KCTD1: variants seen among roughly 807,000 people sequenced by gnomAD.
The protein encoded by KCTD1 is potassium channel tetramerization domain containing 1, also known as BTB/POZ domain-containing protein KCTD1.
Under a neutral mutation model 66.0 loss-of-function variants are expected in KCTD1, and 24 were observed. The observed-to-expected ratio is 0.36, with a 90% CI of 0.26 to 0.51. KCTD1 has a LOEUF of 0.51. Among genes scored for constraint, KCTD1 ranks in the 20% least tolerant of loss-of-function variants. The pLI, the probability that KCTD1 is intolerant of heterozygous loss-of-function variation, is 0.95. For missense variants in KCTD1, 943 were observed against 1,205.2 expected, an observed-to-expected ratio of 0.78 and a Z score of 3.22; for synonymous variants, 511 against 517.2, an observed-to-expected ratio of 0.99 and a Z score of 0.16.
At chr18:26,573,063 C>T (rs955511972) in intron 1 of KCTD1, among the ~76,000 whole-genome samples, 1 of 151,696 alleles carries the variant, frequency 6.6e-6, no homozygotes, top group African/African-American at 2.4e-5. Context: ...GCTCTGTCAC[C>T]TAGGCTGGAG....
At chr18:26,495,521 T>C (rs978075608) in intron 2 of KCTD1, among the ~76,000 whole-genome samples, 1 of 152,140 alleles carries the variant, frequency 6.6e-6, no homozygotes, top group Non-Finnish European at 1.5e-5. Context: ...TGGCCATGGG[T>C]GTTGACTGCA....
At position 26,615,193 on chromosome 18, in the gene KCTD1, C is replaced by A. The variant is rs190368349; in HGVS notation, c.-16+13954G>T. Among the ~76,000 whole-genome samples the A allele has an allele frequency of 1.8e-3, 275 of 152,318 alleles. 4 individuals are homozygous for A. The highest frequency in any genetic ancestry group is 0.011 in the Admixed American group (162 of 15,298). ...AACTGCCCCCCATCCCTTCCCACCC[C>A]ATCCAACTCAGCCCAGTCCTGAGGC... On this transcript the variant is annotated intron_variant, in intron 1 of 4. Transcript: ENST00000317932.
intron 1 of KCTD1, among the ~76,000 whole-genome samples, chr18:26,504,055 T>A (rs74375819): frequency 6.6e-6 from 1 of 152,176 alleles, no homozygotes; most frequent in African/African-American, 2.4e-5. Context: ...ATTTTCCATA[T>A]GGGGCAGATT....
intron 1 of KCTD1, among the ~76,000 whole-genome samples, chr18:26,511,561 G>C (rs1983333551): frequency 6.6e-6 from 1 of 152,240 alleles, no homozygotes; most frequent in African/African-American, 2.4e-5. Context: ...AACATGTAGA[G>C]AGGGCCTTCG....
chr18:26,610,662 CAAGA>C (rs921273515), intron 1 of KCTD1, among the ~76,000 whole-genome samples: 2 of 144,068 alleles, frequency 1.4e-5, no homozygotes, highest in Non-Finnish European at 3.0e-5. Flanking sequence ...AGGGAGGGAG[CAAGA>C]AAGAAAGAGA....
chr18:26,621,633 G>A (rs565159), intron 1 of KCTD1, among the ~76,000 whole-genome samples: 58,031 of 151,904 alleles, frequency 0.38, 11,603 homozygotes, highest in African/African-American at 0.5. Flanking sequence ...AAGGGGGCAG[G>A]GCAGAGCCGC....
At chr18:26,604,657 T>C (rs1484666081) in intron 1 of KCTD1, among the ~76,000 whole-genome samples, 1 of 152,192 alleles carries the variant, frequency 6.6e-6, no homozygotes, top group Non-Finnish European at 1.5e-5. Context: ...AAATACTGCA[T>C]GTTCTCACTT....
intron 1 of KCTD1, among the ~76,000 whole-genome samples, chr18:26,536,935 A>AC (rs58767958): frequency 6.6e-6 from 1 of 151,408 alleles, no homozygotes; most frequent in Non-Finnish European, 1.5e-5. Context: ...AAAAAAAAAA[A>AC]CCCACGAGAC....
intron 1 of KCTD1, among the ~76,000 whole-genome samples, chr18:26,610,601 G>T (rs778811188): frequency 2.2e-4 from 33 of 147,194 alleles, no homozygotes; most frequent in Non-Finnish European, 7.5e-5. Flanking sequence ...AAGAAAGGAA[G>T]GAAGGAAGGA....
At chr18:26,480,845 A>C (rs1171936390) in intron 2 of KCTD1, among the ~76,000 whole-genome samples, 1 of 152,060 alleles carries the variant, frequency 6.6e-6, no homozygotes, top group Non-Finnish European at 1.5e-5. Context: ...TGAGGAAACC[A>C]AGCCCATTTG....
intron 1 of KCTD1, among the ~76,000 whole-genome samples, chr18:26,526,655 G>T (rs754171875): frequency 6.6e-6 from 1 of 152,242 alleles, no homozygotes; most frequent in East Asian, 1.9e-4. Context: ...CCTCTGCTCC[G>T]CTGCCTCCTT....
intron 1 of KCTD1, among the ~76,000 whole-genome samples, chr18:26,567,516 CT>C (rs757917094): frequency 3.6e-5 from 5 of 138,362 alleles, no homozygotes; most frequent in Non-Finnish European, 6.1e-5. Flanking sequence ...GAGACACAGT[CT>C]TACTCTGTTG....
chr18:26,538,891 C>T (rs537922389), intron 1 of KCTD1, among the ~76,000 whole-genome samples: 3 of 152,284 alleles, frequency 2.0e-5, no homozygotes, highest in African/African-American at 7.2e-5. Context: ...CTCCAAATCC[C>T]AGACCCAGCA....
chr18:26,457,131 TAATTA>T (rs1256363867), intron 4 of KCTD1: 3 of 151,280 alleles, frequency 2.0e-5, no homozygotes, highest in Non-Finnish European at 4.4e-5. Context: ...TTCTAAAAAT[TAATTA>T]AAACCTCAAG....
intron 1 of KCTD1, chr18:26,600,378 C>G (rs1487665230): frequency 1.9e-6 from 2 of 1,070,798 alleles, no homozygotes; most frequent in African/African-American, 3.1e-5. Context: ...GCTCCTCCAG[C>G]CAACTCCTGT....
intron 1 of KCTD1, among the ~76,000 whole-genome samples, chr18:26,655,417 T>C (rs1403547810): frequency 1.3e-5 from 2 of 149,644 alleles, no homozygotes; most frequent in Non-Finnish European, 3.0e-5. Context: ...CTGTTATGTC[T>C]CCCAGTACCA....
chr18:26,456,958 CA>C (rs1980123124), intron 4 of KCTD1: 1 of 150,394 alleles, frequency 6.6e-6, no homozygotes, highest in Middle Eastern at 3.4e-3. Flanking sequence ...AAACCCACCT[CA>C]AAAAAACTTT....
At position 26,546,882 on chromosome 18, in the gene KCTD1, G is replaced by C. The variant is rs894228762; in HGVS notation, c.1655C>G (p.Pro552Arg). 2 of 1,489,792 alleles carry C rather than the reference G, an allele frequency of 1.3e-6. No individual in the cohort carries two copies. Among genetic ancestry groups the C allele is most frequent in the Non-Finnish European group, 1.8e-6 (2 of 1,118,912 alleles). The allele number at this position is 1,489,792 out of a possible 1,614,324, so 92.3% of individuals were successfully genotyped here. ...CGAGGGGCGGATACAAAGTCTTTTG[G>C]GGGAAGTGGGGCCGCAGATTTCCCC... is the stretch of plus-strand genomic sequence containing the variant. Reference protein sequence around the residue: ...GSGEICGPTSPKRLCIRPSEP... With the variant: ...GSGEICGPTSRKRLCIRPSEP... The change falls in exon 1 of 5, where the codon CCC (proline) becomes CGC (arginine). Residue 552 changes from proline to arginine, a missense_variant. Physicochemically the swap from Pro to Arg is moderately radical, Grantham distance 103 (BLOSUM62 -2). Coordinates refer to ENST00000580059, the MANE Select transcript of KCTD1 (RefSeq NM_001142730.3).
intron 1 of KCTD1, among the ~76,000 whole-genome samples, chr18:26,594,308 A>T (rs1172056): frequency 0.25 from 37,474 of 152,140 alleles, 4,776 homozygotes; most frequent in East Asian, 0.34. Context: ...CATTCTCTAA[A>T]ATAAGCTTAT....
Sources: gnomAD v4.1 joint callset for allele counts (sites outside exome capture counted in the v4.1 genomes callset) on GRCh38, gnomAD v4.1.1 for gene constraint, MANE v1.5 for transcripts, NCBI Gene and HGNC (gene_info 2026-07-23, HGNC 2026-07-21) for gene names.